TSPAN18: variants seen among roughly 807,000 people sequenced by gnomAD.
TSPAN18 encodes the protein tetraspanin 18.
TSPAN18 carries 14 observed loss-of-function variants against 27.3 expected under a neutral mutation model. The observed-to-expected ratio is 0.51, with a 90% CI of 0.34 to 0.80. The LOEUF (loss-of-function observed/expected upper bound fraction) is 0.80. Among genes scored for constraint, TSPAN18 ranks in the 30% least tolerant of loss-of-function variants. The probability of loss-of-function intolerance (pLI) is 0.01; values close to 1 mark genes in which losing one functional copy is unlikely to be tolerated. For synonymous variants in TSPAN18, 143 were observed against 136.5 expected, an observed-to-expected ratio of 1.05 and a Z score of -0.33; for missense variants, 268 against 323.9, an observed-to-expected ratio of 0.83 and a Z score of 1.32.
chr11:44,896,387 G>C lies in TSPAN18; in HGVS notation c.-10-10020G>C, dbSNP rs1280405353. On this transcript the variant is annotated intron_variant, in intron 3 of 9. Coordinates refer to ENST00000520358, the MANE Select transcript of TSPAN18 (RefSeq NM_130783.5). The stretch of plus-strand genomic sequence containing the variant: ...TCCCATTGGACTCAGTTTCCCCATT[G>C]TACTGTGGGGATGATGGTGTGATAC... Among the ~76,000 whole-genome samples, 5 of 152,046 alleles carry C rather than the reference G, an allele frequency of 3.3e-5. No homozygotes were observed. The South Asian group carries it at 1.0e-3, about 32-fold the overall frequency.
At chr11:44,838,534 A>T (rs770829403) in intron 2 of TSPAN18, among the ~76,000 whole-genome samples, 4 of 152,162 alleles carry the variant, frequency 2.6e-5, no homozygotes, top group Non-Finnish European at 4.4e-5. Context: ...TGAGGTGGGG[A>T]GGTTGTCCTG....
chr11:44,931,160 T>G lies in TSPAN18; in HGVS notation c.*1982T>G, dbSNP rs748369278. Reference sequence around the variant, plus strand: ...TTAACAGCTTGCTCTGGCAACCCCATAAATGACACCTGAGGTCCGTAGAAG... The same window carrying G: ...TTAACAGCTTGCTCTGGCAACCCCAGAAATGACACCTGAGGTCCGTAGAAG... On this transcript the variant is annotated 3_prime_UTR_variant, in exon 10 of 10. Coordinates refer to ENST00000520358, the MANE Select transcript of TSPAN18 (RefSeq NM_130783.5). 6 of 350,588 alleles carry G rather than the reference T, an allele frequency of 1.7e-5. No individual in the cohort carries two copies. Among genetic ancestry groups the G allele is most frequent in the Non-Finnish European group, 3.4e-5 (6 of 176,252 alleles). 21.7% of individuals were successfully genotyped at this position (350,588 alleles called of 1,614,324 possible).
chr11:44,850,353 G>A (rs1022817043), intron 2 of TSPAN18, among the ~76,000 whole-genome samples: 2 of 152,138 alleles, frequency 1.3e-5, no homozygotes, highest in African/African-American at 2.4e-5. Flanking sequence ...TGTGTGGTTG[G>A]GGTGTGGTCA....
intron 2 of TSPAN18, among the ~76,000 whole-genome samples, chr11:44,783,122 A>G (rs995194940): frequency 1.3e-5 from 2 of 152,106 alleles, no homozygotes; most frequent in African/African-American, 4.8e-5. Context: ...GCCATCACAC[A>G]CGGCCTCTTT....
intron 3 of TSPAN18, among the ~76,000 whole-genome samples, chr11:44,901,608 C>T (rs908411306): frequency 6.6e-6 from 1 of 152,250 alleles, no homozygotes; most frequent in Non-Finnish European, 1.5e-5. Flanking sequence ...CCATTTGACA[C>T]AAGAAGGCAC....
At chr11:44,896,563 C>G (rs1349114744) in intron 3 of TSPAN18, among the ~76,000 whole-genome samples, 1 of 152,096 alleles carries the variant, frequency 6.6e-6, no homozygotes, top group African/African-American at 2.4e-5. Context: ...AATAGGGGTG[C>G]CAGCTCCCGG....
intron 5 of TSPAN18, among the ~76,000 whole-genome samples, chr11:44,911,867 G>A (rs1859729396): frequency 6.6e-6 from 1 of 152,072 alleles, no homozygotes; most frequent in Non-Finnish European, 1.5e-5. Context: ...TCCCGAGAGA[G>A]GTGATCCTGG....
intron 3 of TSPAN18, chr11:44,903,477 G>T (rs1211662327): frequency 2.2e-6 from 1 of 456,540 alleles, no homozygotes; most frequent in Non-Finnish European, 4.4e-6. Flanking sequence ...TCCTGTAGAG[G>T]TTGGGTTCCA....
intron 3 of TSPAN18, among the ~76,000 whole-genome samples, chr11:44,905,441 C>A (rs963590249): frequency 1.3e-5 from 2 of 152,192 alleles, no homozygotes; most frequent in Non-Finnish European, 2.9e-5. Flanking sequence ...TCGGACATGT[C>A]GTTTTCATTC....
chr11:44,812,589 A>C (rs768085021), intron 2 of TSPAN18, among the ~76,000 whole-genome samples: 1 of 151,990 alleles, frequency 6.6e-6, no homozygotes, highest in Non-Finnish European at 1.5e-5. Context: ...ATCTTCACAG[A>C]CTCCCTAGTC....
At chr11:44,784,655 C>T (rs1433072350) in intron 2 of TSPAN18, among the ~76,000 whole-genome samples, 1 of 152,208 alleles carries the variant, frequency 6.6e-6, no homozygotes, top group African/African-American at 2.4e-5. Context: ...GCCACCCCCA[C>T]CTTGTTCTCT....
intron 2 of TSPAN18, among the ~76,000 whole-genome samples, chr11:44,836,566 C>A (rs192223811): frequency 6.6e-6 from 1 of 152,122 alleles, no homozygotes; most frequent in Admixed American, 6.5e-5. Context: ...ATGCAGGTGG[C>A]GGCGATACAA....
chr11:44,881,018 T>C (rs962546091), intron 3 of TSPAN18, among the ~76,000 whole-genome samples: 3 of 152,198 alleles, frequency 2.0e-5, no homozygotes, highest in Non-Finnish European at 2.9e-5. Context: ...AGAACAGTAA[T>C]GTTGGGCAGT....
intron 8 of TSPAN18, among the ~76,000 whole-genome samples, chr11:44,923,381 C>T (rs1860217846): frequency 6.6e-6 from 1 of 152,124 alleles, no homozygotes; most frequent in Non-Finnish European, 1.5e-5. Context: ...TTAGAAGACT[C>T]ATAGTCTGTG....
chr11:44,854,557 G>T (rs557864044), intron 2 of TSPAN18, among the ~76,000 whole-genome samples: 1 of 152,268 alleles, frequency 6.6e-6, no homozygotes, highest in South Asian at 2.1e-4. Context: ...GTCCTTTCTT[G>T]GGCAGATTCC....
chr11:44,893,002 G>A (rs1045781915), intron 3 of TSPAN18, among the ~76,000 whole-genome samples: 6 of 152,226 alleles, frequency 3.9e-5, no homozygotes, highest in South Asian at 2.1e-4. Flanking sequence ...GGAGGTCCTC[G>A]TTCTAGCTGT....
rs966756630 is a variant in TSPAN18, at chr11:44,903,621, C to T, written c.-10-2786C>T. ...AGCCATGTCTGGATGAGAGAGAAGG[C>T]CAGGAGCAGGGCTGAGGCTGGAGAT... On this transcript the variant is annotated intron_variant, in intron 3 of 9. Coordinates refer to ENST00000520358, the MANE Select transcript of TSPAN18 (RefSeq NM_130783.5). 8.8e-6 allele frequency: 4 copies of T among 456,496 alleles called. No homozygotes were observed. The East Asian group carries it at 2.1e-4, about 24-fold the overall frequency. 28.3% of individuals were successfully genotyped at this position (456,496 alleles called of 1,614,324 possible).
intron 1 of TSPAN18, among the ~76,000 whole-genome samples, chr11:44,734,176 G>T (rs1039444388): frequency 2.0e-5 from 3 of 152,148 alleles, no homozygotes; most frequent in Non-Finnish European, 4.4e-5. Context: ...GCCCTCTCCA[G>T]AAGCACATAC....
chr11:44,851,620 C>CG lies in TSPAN18; in HGVS notation c.-152-8708_-152-8707insG, dbSNP rs371024077. 1.8e-4 allele frequency among the ~76,000 whole-genome samples: 26 copies of CG among 148,116 alleles called. 1 individual carries two copies. The East Asian group carries it at 4.9e-3, about 28-fold the overall frequency. Reference sequence around the variant, plus strand: ...GCCCAGGTACTCTTGTCACCTCCCCCCCCCAACGGCTGGGTCCCTGTCTAC... The same window carrying CG: ...GCCCAGGTACTCTTGTCACCTCCCCCGCCCCAACGGCTGGGTCCCTGTCTAC... On this transcript the variant is annotated intron_variant, in intron 2 of 9. Transcript: ENST00000520358.
Sources: allele counts gnomAD v4.1 joint callset (sites outside exome capture counted in the v4.1 genomes callset), GRCh38; gene constraint gnomAD v4.1.1; transcripts MANE v1.5; gene names NCBI Gene and HGNC (gene_info 2026-07-23, HGNC 2026-07-21).